The following PPP2R2A variants were observed in gnomAD, a reference collection of about 807,000 sequenced individuals.
PPP2R2A encodes protein phosphatase 2 regulatory subunit Balpha.
PPP2R2A carries 9 observed loss-of-function variants against 53.2 expected under a neutral mutation model. That is an observed-to-expected ratio of 0.17 (90% CI 0.10 to 0.30). PPP2R2A has a LOEUF of 0.30. Among genes scored for constraint, PPP2R2A ranks in the 10% least tolerant of loss-of-function variants. The pLI is 1.00. For missense variants in PPP2R2A, 235 were observed against 534.6 expected, an observed-to-expected ratio of 0.44 and a Z score of 5.53; for synonymous variants, 169 against 174.2, an observed-to-expected ratio of 0.97 and a Z score of 0.23.
At chr8:26,349,555 A>C (rs1448283825) in intron 3 of PPP2R2A, among the ~76,000 whole-genome samples, 1 of 152,150 alleles carries the variant, frequency 6.6e-6, no homozygotes, top group Non-Finnish European at 1.5e-5. Context: ...TTTTTGAGGA[A>C]TCTCCACGTT....
intron 3 of PPP2R2A, among the ~76,000 whole-genome samples, chr8:26,345,668 T>C (rs1804175012): frequency 6.6e-6 from 1 of 152,212 alleles, no homozygotes; most frequent in Non-Finnish European, 1.5e-5. Context: ...TCTGCCTCTT[T>C]TTTCAGGGTT....
rs1681442770 is a variant in PPP2R2A at position 26,371,700 on chromosome 8, A to G, written c.*1287A>G. Reference sequence around the variant, plus strand: ...CTTCTATTTTTGGTTTTCCAAAGCTATATGAAAGACAAATTTTTAAAGGTA... The same window carrying G: ...CTTCTATTTTTGGTTTTCCAAAGCTGTATGAAAGACAAATTTTTAAAGGTA... On this transcript the variant is annotated 3_prime_UTR_variant, in exon 10 of 10. Coordinates refer to ENST00000380737, the MANE Select transcript of PPP2R2A (RefSeq NM_002717.4). 6.6e-6 allele frequency: 1 copy of G among 152,342 alleles called. No homozygotes were observed. Among genetic ancestry groups the G allele is most frequent in the Non-Finnish European group, 1.5e-5 (1 of 68,024 alleles). 9.4% of individuals were successfully genotyped at this position (152,342 alleles called of 1,614,324 possible).
intron 2 of PPP2R2A, among the ~76,000 whole-genome samples, chr8:26,318,991 T>G (rs2117259763): frequency 6.6e-6 from 1 of 152,248 alleles, no homozygotes; most frequent in Non-Finnish European, 1.5e-5. Context: ...AACTAAAACT[T>G]TATACCCATT....
intron 2 of PPP2R2A, among the ~76,000 whole-genome samples, chr8:26,328,986 T>A (rs969263157): frequency 4.6e-5 from 7 of 152,226 alleles, no homozygotes; most frequent in Admixed American, 2.0e-4. Flanking sequence ...GGGTGAGATT[T>A]CAGGGTTTCT....
At chr8:26,363,431 A>G (rs544371635) in intron 7 of PPP2R2A, 29 of 242,406 alleles carry the variant, frequency 1.2e-4, no homozygotes, top group African/African-American at 3.6e-4. Flanking sequence ...TGCAGGAATA[A>G]TACCAATAAA....
intron 3 of PPP2R2A, among the ~76,000 whole-genome samples, chr8:26,348,425 T>A (rs1804330859): frequency 6.6e-6 from 1 of 152,198 alleles, no homozygotes; most frequent in Non-Finnish European, 1.5e-5. Flanking sequence ...ATGTGATGGG[T>A]CACAGTCAAA....
Position 26,319,509 on chromosome 8 carries a change from G to A in PPP2R2A, c.83-19381G>A, listed in dbSNP as rs528041928. Among the ~76,000 whole-genome samples, 8 of 152,148 alleles carry A rather than the reference G, an allele frequency of 5.3e-5. No homozygotes were observed. The South Asian group carries it at 1.7e-3, about 32-fold the overall frequency. ...TATACTTCTAGGTCTTTAGCCCTTT[G>A]ATCCACTTTGAGCTAATTTTTAGTA... On this transcript the variant is annotated intron_variant, in intron 2 of 9. Transcript: ENST00000380737.
chr8:26,302,836 A>G (rs1415859759), intron 2 of PPP2R2A, among the ~76,000 whole-genome samples: 1 of 152,194 alleles, frequency 6.6e-6, no homozygotes, highest in Non-Finnish European at 1.5e-5. Flanking sequence ...AGGGGGATGT[A>G]GTCATTTTTC....
intron 2 of PPP2R2A, among the ~76,000 whole-genome samples, chr8:26,317,632 T>G (rs1043846133): frequency 6.6e-6 from 1 of 152,228 alleles, no homozygotes; most frequent in African/African-American, 2.4e-5. Context: ...AGCTAAAAAT[T>G]AGTAGCACTT....
intron 2 of PPP2R2A, among the ~76,000 whole-genome samples, chr8:26,318,222 C>G (rs1563293668): frequency 6.6e-6 from 1 of 152,136 alleles, no homozygotes; most frequent in African/African-American, 2.4e-5. Flanking sequence ...TCTTTCCTTC[C>G]TCCTTCCAGT....
chr8:26,334,747 A>G (rs1803566535), intron 2 of PPP2R2A, among the ~76,000 whole-genome samples: 1 of 152,148 alleles, frequency 6.6e-6, no homozygotes, highest in African/African-American at 2.4e-5. Context: ...TCCATCTCAA[A>G]AAAAAACAAA....
chr8:26,292,198 C>T (rs1489526338), intron 1 of PPP2R2A: 7 of 1,121,808 alleles, frequency 6.2e-6, no homozygotes, highest in Admixed American at 1.0e-4. Flanking sequence ...TTTTTTTTTC[C>T]TGCAGGTCTT....
At chr8:26,359,607 C>T (rs796889569) in intron 4 of PPP2R2A, among the ~76,000 whole-genome samples, 1 of 151,128 alleles carries the variant, frequency 6.6e-6, no homozygotes, top group Admixed American at 6.6e-5. Flanking sequence ...TTCTTCAGGC[C>T]CTGTTTCCTA....
At chr8:26,367,287 A>G (rs2117428291) in intron 9 of PPP2R2A, among the ~76,000 whole-genome samples, 1 of 152,308 alleles carries the variant, frequency 6.6e-6, no homozygotes, top group South Asian at 2.1e-4. Context: ...CTGAGGCATC[A>G]AGAAGAAAGA....
chr8:26,324,506 G>C (rs941337187), intron 2 of PPP2R2A, among the ~76,000 whole-genome samples: 1 of 152,208 alleles, frequency 6.6e-6, no homozygotes, highest in South Asian at 2.1e-4. Flanking sequence ...GTTTTCAGAC[G>C]TGTGGAAATG....
chr8:26,352,913 T>C (rs1042075067), intron 3 of PPP2R2A, among the ~76,000 whole-genome samples: 1 of 152,230 alleles, frequency 6.6e-6, no homozygotes, highest in African/African-American at 2.4e-5. Flanking sequence ...GTTACTTGAA[T>C]GTGGGGATTC....
intron 2 of PPP2R2A, among the ~76,000 whole-genome samples, chr8:26,306,531 A>G (rs774455540): frequency 2.8e-4 from 43 of 151,986 alleles, no homozygotes; most frequent in Non-Finnish European, 6.0e-4. Context: ...TACAAAAGAA[A>G]AACATTTTAC....
At position 26,291,937 on chromosome 8, in the gene PPP2R2A, G is replaced by C. The variant is rs1420796886; in HGVS notation, c.7+111G>C. ...CGCGCAGAGCCACAGGGCGCCCCTC[G>C]GGTTTGAGGGAGTAGGGTCCAGAGG... is the stretch of plus-strand genomic sequence containing the variant. On this transcript the variant is annotated intron_variant, in intron 1 of 9. Coordinates refer to ENST00000380737, the MANE Select transcript of PPP2R2A (RefSeq NM_002717.4). 8.1e-6 allele frequency: 12 copies of C among 1,475,400 alleles called. No homozygotes were observed. The Admixed American group carries it at 1.0e-4, about 13-fold the overall frequency. The allele number at this position is 1,475,400 out of a possible 1,614,324, so 91.4% of individuals were successfully genotyped here.
At chr8:26,303,993 G>T (rs529150392) in intron 2 of PPP2R2A, among the ~76,000 whole-genome samples, 4 of 152,122 alleles carry the variant, frequency 2.6e-5, no homozygotes, top group South Asian at 2.1e-4. Context: ...TAGAATCTTC[G>T]AATGATCTCT....
Sources: gnomAD v4.1 joint callset for allele counts (sites outside exome capture counted in the v4.1 genomes callset) on GRCh38, gnomAD v4.1.1 for gene constraint, MANE v1.5 for transcripts, NCBI Gene and HGNC (gene_info 2026-07-23, HGNC 2026-07-21) for gene names.